The following BRAF variants were observed in gnomAD, a reference collection of about 807,000 sequenced individuals.
The protein encoded by BRAF is serine/threonine-protein kinase B-raf.
BRAF carries 16 observed loss-of-function variants against 104.6 expected under a neutral mutation model. That is an observed-to-expected ratio of 0.15 (90% CI 0.10 to 0.23). The LOEUF (loss-of-function observed/expected upper bound fraction) is 0.23. BRAF is among the 10% of genes least tolerant of loss of function. The probability of loss-of-function intolerance (pLI) is 1.00; values close to 1 mark genes in which losing one functional copy is unlikely to be tolerated. For synonymous variants in BRAF, 310 were observed against 341.6 expected, an observed-to-expected ratio of 0.91 and a Z score of 1.02; for missense variants, 541 against 937.3, an observed-to-expected ratio of 0.58 and a Z score of 5.52.
chr7:140,816,819 A>G (rs568034979), intron 3 of BRAF, among the ~76,000 whole-genome samples: 8 of 152,262 alleles, frequency 5.3e-5, no homozygotes, highest in Admixed American at 1.3e-4. Context: ...ACCGTTTCAG[A>G]CTTTTCATCA....
chr7:140,735,122 T>C (rs184237216), intron 18 of BRAF, among the ~76,000 whole-genome samples: 51 of 152,394 alleles, frequency 3.3e-4, no homozygotes, highest in Middle Eastern at 3.4e-3. Context: ...CTTTTTGTTA[T>C]AGACCACAAG....
chr7:140,754,911 T>C (rs1022585591), intron 14 of BRAF, among the ~76,000 whole-genome samples: 3 of 152,204 alleles, frequency 2.0e-5, no homozygotes, highest in Admixed American at 1.3e-4. Context: ...TTCTCTAAAA[T>C]GGCCATAGTA....
chr7:140,914,978 G>GC lies in BRAF; in HGVS notation c.138+9587_138+9588insG, dbSNP rs1321174874. Among the ~76,000 whole-genome samples the GC allele has an allele frequency of 6.1e-4, 27 of 44,170 alleles. 2 individuals are homozygous for GC. Among genetic ancestry groups the GC allele is most frequent in the African/African-American group, 2.1e-3 (27 of 12,734 alleles). 29.0% of individuals were successfully genotyped at this position (44,170 alleles called of 152,430 possible). On this transcript the variant is annotated intron_variant, in intron 1 of 19. Transcript: ENST00000644969. ...TCACTTGAACCCGGGGGGGGGGGGG[G>GC]GCGGAGGTTGCAATGAGCCGAGATC... is the stretch of plus-strand genomic sequence containing the variant.
At chr7:140,749,524 T>C (rs1236441638) in intron 16 of BRAF, 106 bp from the exon 16 acceptor site, 5 of 1,198,102 alleles carry the variant, frequency 4.2e-6, no homozygotes, top group Non-Finnish European at 6.0e-6. Flanking sequence ...AAAACACCTG[T>C]CTAATATGTA....
Position 140,752,639 on chromosome 7 carries a change from T to C in BRAF, c.1980+636A>G, listed in dbSNP as rs114884993. Among the ~76,000 whole-genome samples, 1,512 of 152,340 alleles carry C rather than the reference T, an allele frequency of 9.9e-3. 25 individuals are homozygous for C. The highest frequency in any genetic ancestry group is 0.034 in the African/African-American group (1,425 of 41,586). ...CAAAAAACAAGAAGAAAGAAAGAGC[T>C]ATGCAAGACAGCACAAGGCTGTTAA... On this transcript the variant is annotated intron_variant, in intron 16 of 19. Transcript: ENST00000644969.
At chr7:140,806,485 A>G (rs567642586) in intron 5 of BRAF, among the ~76,000 whole-genome samples, 2 of 152,274 alleles carry the variant, frequency 1.3e-5, no homozygotes, top group African/African-American at 4.8e-5. Context: ...ATACTCTGGA[A>G]TCAATCTGCA....
chr7:140,761,265 A>C (rs1798697718), intron 14 of BRAF, among the ~76,000 whole-genome samples: 2 of 152,218 alleles, frequency 1.3e-5, no homozygotes, highest in Admixed American at 6.5e-5. Context: ...TTTTCAACCC[A>C]GAATTTCATA....
intron 1 of BRAF, among the ~76,000 whole-genome samples, chr7:140,921,682 A>T (rs1818242208): frequency 6.6e-6 from 1 of 152,084 alleles, no homozygotes; most frequent in Non-Finnish European, 1.5e-5. Flanking sequence ...TAGTGGCAAA[A>T]TTACTGATGA....
At position 140,724,372 on chromosome 7, in the gene BRAF, T is replaced by C. The variant is rs1329726070; in HGVS notation, c.*2122A>G. 2 of 1,054,930 alleles carry C rather than the reference T, an allele frequency of 1.9e-6. No individual in the cohort carries two copies. The highest frequency in any genetic ancestry group is 1.1e-4 in the Admixed American group (2 of 18,354). 65.3% of individuals were successfully genotyped at this position (1,054,930 alleles called of 1,614,324 possible). ...CCACATTTAAAAGCATCTAGAGATA[T>C]ATTTAAAAAGAAAAAACAGCCAATG... On this transcript the variant is annotated 3_prime_UTR_variant, in exon 20 of 20. Transcript: ENST00000644969.
Position 140,721,503 on chromosome 7 carries a change from T to C in BRAF, c.*4991A>G, listed in dbSNP as rs1031436953. The stretch of plus-strand genomic sequence containing the variant: ...AAACAACAAAACAGAGCTTACTGTC[T>C]AGTGTACTAATAAAACAAACATCTT... On this transcript the variant is annotated 3_prime_UTR_variant, in exon 20 of 20. Transcript: ENST00000644969. The C allele has an allele frequency of 5.8e-6, 8 of 1,381,528 alleles. No homozygotes were observed. In the African/African-American group the frequency reaches 1.2e-4, roughly 20 times the overall value. The allele number at this position is 1,381,528 out of a possible 1,614,324, so 85.6% of individuals were successfully genotyped here.
intron 1 of BRAF, among the ~76,000 whole-genome samples, chr7:140,909,624 C>T (rs574946317): frequency 2.6e-5 from 4 of 152,156 alleles, no homozygotes; most frequent in South Asian, 2.1e-4. Context: ...CCATCAATTA[C>T]GTGATTTTCT....
intron 1 of BRAF, among the ~76,000 whole-genome samples, chr7:140,870,682 T>C (rs908511372): frequency 6.6e-6 from 1 of 151,936 alleles, no homozygotes; most frequent in Non-Finnish European, 1.5e-5. Flanking sequence ...ACTGTCAGTT[T>C]TTAGTTTCCT....
chr7:140,782,061 C>T (rs1245964989), intron 11 of BRAF, among the ~76,000 whole-genome samples: 1 of 152,066 alleles, frequency 6.6e-6, no homozygotes, highest in Non-Finnish European at 1.5e-5. Context: ...CCTCTCCCCT[C>T]CCCCTACCCC....
At chr7:140,745,714 G>A (rs976336619) in intron 17 of BRAF, among the ~76,000 whole-genome samples, 8 of 152,180 alleles carry the variant, frequency 5.3e-5, no homozygotes, top group Non-Finnish European at 1.2e-4. Flanking sequence ...ATGCCATTGA[G>A]AGCAGAGCCT....
chr7:140,891,667 C>A (rs1203964007), intron 1 of BRAF, among the ~76,000 whole-genome samples: 1 of 151,814 alleles, frequency 6.6e-6, no homozygotes, highest in African/African-American at 2.4e-5. Flanking sequence ...GATTTGAGGG[C>A]ATTAAATCCC....
chr7:140,920,901 G>T (rs1818146809), intron 1 of BRAF, among the ~76,000 whole-genome samples: 1 of 152,198 alleles, frequency 6.6e-6, no homozygotes, highest in South Asian at 2.1e-4. Context: ...AGCCAAAACT[G>T]CACAAGCACC....
intron 1 of BRAF, among the ~76,000 whole-genome samples, chr7:140,906,973 T>C (rs534683736): frequency 4.6e-5 from 7 of 152,228 alleles, no homozygotes; most frequent in Non-Finnish European, 1.0e-4. Flanking sequence ...TCTATAAAAT[T>C]TTCAGCCAGA....
At chr7:140,759,475 C>T (rs779628635) in intron 14 of BRAF, among the ~76,000 whole-genome samples, 25 of 152,220 alleles carry the variant, frequency 1.6e-4, no homozygotes, top group Non-Finnish European at 2.9e-4. Context: ...CAACCTCTGC[C>T]TCCCGGGTTC....
chr7:140,782,226 A>C (rs1169806915), intron 11 of BRAF, among the ~76,000 whole-genome samples: 1 of 152,192 alleles, frequency 6.6e-6, no homozygotes, highest in Non-Finnish European at 1.5e-5. Context: ...TTTATTAAAA[A>C]ATATAAATTA....
Sources: allele counts gnomAD v4.1 joint callset (sites outside exome capture counted in the v4.1 genomes callset), GRCh38; gene constraint gnomAD v4.1.1; transcripts MANE v1.5; gene names NCBI Gene and HGNC (gene_info 2026-07-23, HGNC 2026-07-21).